SGCZ: variants seen among roughly 807,000 people sequenced by gnomAD.
SGCZ encodes zeta-sarcoglycan.
In SGCZ, 40 loss-of-function variants were observed where a neutral mutation model predicts 41.3. The observed-to-expected ratio is 0.97, with a 90% CI of 0.75 to 1.26. SGCZ has a LOEUF of 1.26. SGCZ is among the 50% of genes most tolerant of loss of function. SGCZ has a pLI of 0.00. For synonymous variants in SGCZ, 206 were observed against 137.5 expected (o/e 1.50, Z -3.49); for missense variants, 552 against 369.8 (o/e 1.49, Z -4.04).
intron 1 of SGCZ, among the ~76,000 whole-genome samples, chr8:15,165,154 G>C (rs1585630640): frequency 6.6e-6 from 1 of 152,124 alleles, no homozygotes. Context: ...GCCAGGCGTG[G>C]TGGTACATGC....
intron 1 of SGCZ, among the ~76,000 whole-genome samples, chr8:14,724,130 C>A (rs1382815902): frequency 6.6e-6 from 1 of 152,078 alleles, no homozygotes; most frequent in Non-Finnish European, 1.5e-5. Flanking sequence ...TGTGTCTTAT[C>A]TTTAGTAATC....
At chr8:14,374,030 T>C (rs1345044499) in intron 2 of SGCZ, among the ~76,000 whole-genome samples, 2 of 151,996 alleles carry the variant, frequency 1.3e-5, no homozygotes, top group South Asian at 2.1e-4. Flanking sequence ...AAAAAGAAAA[T>C]TGATGACACA....
intron 1 of SGCZ, among the ~76,000 whole-genome samples, chr8:14,572,691 CAT>C (rs963083147): frequency 2.0e-5 from 3 of 152,142 alleles, no homozygotes; most frequent in African/African-American, 7.2e-5. Flanking sequence ...TTATACAGAT[CAT>C]TTCCTTCATA....
At chr8:14,245,830 A>C (rs1466396915) in intron 3 of SGCZ, among the ~76,000 whole-genome samples, 2 of 152,250 alleles carry the variant, frequency 1.3e-5, no homozygotes, top group Non-Finnish European at 2.9e-5. Flanking sequence ...TATGCAGCCA[A>C]AAGACACATG....
intron 1 of SGCZ, among the ~76,000 whole-genome samples, chr8:15,128,001 C>A (rs77784692): frequency 1.3e-5 from 2 of 152,060 alleles, no homozygotes; most frequent in African/African-American, 4.8e-5. Context: ...GAATATAGTA[C>A]GGAAATAATA....
chr8:14,107,064 A>G (rs1802226184), intron 6 of SGCZ, among the ~76,000 whole-genome samples: 1 of 151,936 alleles, frequency 6.6e-6, no homozygotes, highest in East Asian at 1.9e-4. Context: ...AAAATACAAA[A>G]AATTAACCGG....
intron 3 of SGCZ, among the ~76,000 whole-genome samples, chr8:14,270,693 T>C (rs900743171): frequency 6.6e-5 from 10 of 152,148 alleles, no homozygotes; most frequent in African/African-American, 2.4e-4. Flanking sequence ...AAATGATGTA[T>C]AGGAATAGTG....
At chr8:14,299,117 T>A (rs1195665217) in intron 3 of SGCZ, among the ~76,000 whole-genome samples, 1 of 151,574 alleles carries the variant, frequency 6.6e-6, no homozygotes. Context: ...ACAAATGGAG[T>A]TGAGTATGGA....
intron 1 of SGCZ, among the ~76,000 whole-genome samples, chr8:15,061,447 G>A (rs1385108595): frequency 6.6e-6 from 1 of 151,300 alleles, no homozygotes; most frequent in Non-Finnish European, 1.5e-5. Flanking sequence ...GGGATTGATG[G>A]GTCCAGCAAA....
chr8:15,164,983 T>G (rs73533408), intron 1 of SGCZ, among the ~76,000 whole-genome samples: 1,949 of 152,214 alleles, frequency 0.013, 47 homozygotes, highest in African/African-American at 0.044. Flanking sequence ...GTGTACTGTG[T>G]GATGTGTGTC....
At chr8:14,451,367 A>C (rs897359747) in intron 2 of SGCZ, among the ~76,000 whole-genome samples, 2 of 152,212 alleles carry the variant, frequency 1.3e-5, no homozygotes, top group Non-Finnish European at 2.9e-5. Flanking sequence ...AGTGAAATCC[A>C]ATCTTATTTC....
chr8:14,244,770 G>T (rs1799024093), intron 3 of SGCZ, among the ~76,000 whole-genome samples: 1 of 151,924 alleles, frequency 6.6e-6, no homozygotes, highest in Non-Finnish European at 1.5e-5. Context: ...TTATGTCATT[G>T]ATCAGTGGTT....
intron 2 of SGCZ, among the ~76,000 whole-genome samples, chr8:14,532,816 G>A (rs903689631): frequency 6.6e-6 from 1 of 151,436 alleles, no homozygotes; most frequent in East Asian, 2.0e-4. Context: ...AGAAAGTCCC[G>A]ACTCACTACT....
At chr8:14,243,610 T>G (rs1196951557) in intron 3 of SGCZ, among the ~76,000 whole-genome samples, 1 of 152,188 alleles carries the variant, frequency 6.6e-6, no homozygotes, top group Non-Finnish European at 1.5e-5. Context: ...TCACCTCACT[T>G]CCGTCATTTA....
rs113381161 is a variant in SGCZ at position 14,338,789 on chromosome 8, A to G, written c.235-14585T>C. Reference sequence around the variant, plus strand: ...GTTTTACAGGGGTTTTAAATTGCCAATTTGAAAATTCAAGTATTGATGCTA... The same window carrying G: ...GTTTTACAGGGGTTTTAAATTGCCAGTTTGAAAATTCAAGTATTGATGCTA... On this transcript the variant is annotated intron_variant, in intron 2 of 7. Coordinates refer to ENST00000382080, the MANE Select transcript of SGCZ (RefSeq NM_139167.4). Among the ~76,000 whole-genome samples, 322 of 152,244 alleles carry G rather than the reference A, an allele frequency of 2.1e-3. 3 individuals are homozygous for G. Among genetic ancestry groups the G allele is most frequent in the African/African-American group, 7.3e-3 (304 of 41,546 alleles).
At chr8:14,346,381 C>A (rs11995226) in intron 2 of SGCZ, among the ~76,000 whole-genome samples, 16,146 of 151,940 alleles carry the variant, frequency 0.11, 1,222 homozygotes, top group East Asian at 0.26. Context: ...ATTCTACTGA[C>A]TTTGTCTTAT....
At chr8:14,253,968 A>G (rs1403771255) in intron 3 of SGCZ, among the ~76,000 whole-genome samples, 1 of 152,078 alleles carries the variant, frequency 6.6e-6, no homozygotes, top group Non-Finnish European at 1.5e-5. Flanking sequence ...AAAATAATGC[A>G]ATCTGAAGAA....
intron 2 of SGCZ, among the ~76,000 whole-genome samples, chr8:14,350,977 T>C (rs1211839010): frequency 6.6e-6 from 1 of 152,148 alleles, no homozygotes; most frequent in Non-Finnish European, 1.5e-5. Flanking sequence ...TGAGGTTCCA[T>C]TGCTCATGTC....
At chr8:15,133,935 T>G (rs1370872688) in intron 1 of SGCZ, among the ~76,000 whole-genome samples, 1 of 152,210 alleles carries the variant, frequency 6.6e-6, no homozygotes, top group African/African-American at 2.4e-5. Flanking sequence ...GGCATCTATT[T>G]CAATGTTCTG....
Sources: allele counts gnomAD v4.1 joint callset (sites outside exome capture counted in the v4.1 genomes callset), GRCh38; gene constraint gnomAD v4.1.1; transcripts MANE v1.5; gene names NCBI Gene and HGNC (gene_info 2026-07-23, HGNC 2026-07-21).